SUGP2: variants seen among roughly 807,000 people sequenced by gnomAD.
SUGP2 encodes the protein SURP and G-patch domain-containing protein 2.
Under a neutral mutation model 90.5 loss-of-function variants are expected in SUGP2, and 24 were observed. The observed-to-expected ratio is 0.27, with a 90% CI of 0.19 to 0.37. The LOEUF (loss-of-function observed/expected upper bound fraction) is 0.37. Ranked by LOEUF, SUGP2 falls within the 10% of genes least tolerant of loss-of-function variation. The probability of loss-of-function intolerance (pLI) is 1.00; values close to 1 mark genes in which losing one functional copy is unlikely to be tolerated. For missense variants in SUGP2, 1,233 were observed against 1,363.3 expected (o/e 0.90, Z 1.51); for synonymous variants, 473 against 513.4 (o/e 0.92, Z 1.06).
chr19:19,019,835 T>TAA (rs113866266), intron 3 of SUGP2, among the ~76,000 whole-genome samples: 1 of 111,974 alleles, frequency 8.9e-6, no homozygotes, highest in African/African-American at 3.2e-5. Flanking sequence ...TTTCTCCAAT[T>TAA]AAAAAAAAAA....
chr19:19,015,369 T>G (rs1013195784), intron 4 of SUGP2, among the ~76,000 whole-genome samples: 3 of 152,216 alleles, frequency 2.0e-5, no homozygotes, highest in African/African-American at 7.2e-5. Flanking sequence ...TTGACTGTTT[T>G]GTTAAATACA....
At position 19,031,051 on chromosome 19, in the gene SUGP2, T is replaced by C. The variant is rs752220000; in HGVS notation, c.21A>G (p.Thr7=). The change falls in exon 2 of 11, where the codon ACA becomes ACG. Residue 7 remains threonine (T), a synonymous_variant. Transcript: ENST00000452918. Reference sequence around the variant, plus strand: ...GTAATACAGCATCAAAAGTCTCCTGTGTAATTCGTCTGGCTGCCATGTTAT... The same window carrying C: ...GTAATACAGCATCAAAAGTCTCCTGCGTAATTCGTCTGGCTGCCATGTTAT... The part of the protein sequence containing the change: MAARRI[T]QETFDAVLQE... 9.3e-5 allele frequency: 150 copies of C among 1,613,032 alleles called. No homozygotes were observed. Among genetic ancestry groups the C allele is most frequent in the Admixed American group, 1.3e-4 (8 of 59,644 alleles).
Position 19,010,294 on chromosome 19 carries a change from C to A in SUGP2, c.1899G>T (p.Lys633Asn). Residue 633 changes from lysine (K) to asparagine (N), a missense_variant, in exon 5 of 11, where the codon AAG becomes AAT. This residue lies in a region of SUGP2 where 540 missense variants were observed against 542.6 expected (regional missense o/e 1.00). Coordinates refer to ENST00000452918, the MANE Select transcript of SUGP2 (RefSeq NM_001017392.5). ...CGCTCATCCGCTGCATTTCTGCCAACTTCAGCTTGTAATATTTATACTCCA... is the reference window on the plus strand; with the variant it reads ...CGCTCATCCGCTGCATTTCTGCCAAATTCAGCTTGTAATATTTATACTCCA... ...NSLEYKYYKL[K>N]LAEMQRMSEN... 1.2e-6 allele frequency: 2 copies of A among 1,613,810 alleles called. No homozygotes were observed. The highest frequency in any genetic ancestry group is 2.2e-5 in the South Asian group (2 of 91,090).
chr19:19,018,921 C>G (rs938442029), intron 4 of SUGP2, among the ~76,000 whole-genome samples, 188 bp downstream of exon 4: 1 of 152,148 alleles, frequency 6.6e-6, no homozygotes, highest in African/African-American at 2.4e-5. Flanking sequence ...AGCTGGCCTA[C>G]CACTGGTCTG....
At position 18,991,639 on chromosome 19, in the gene SUGP2, G is replaced by A. The variant is rs2057365711; in HGVS notation, c.*2102C>T. Reference sequence around the variant, plus strand: ...AATGGTCAGGGCGATGCTGGAGAGAGTGCGCTTGATCCACGCTGCAGGTGT... The same window carrying A: ...AATGGTCAGGGCGATGCTGGAGAGAATGCGCTTGATCCACGCTGCAGGTGT... On this transcript the variant is annotated 3_prime_UTR_variant, in exon 11 of 11. Coordinates refer to ENST00000452918, the MANE Select transcript of SUGP2 (RefSeq NM_001017392.5). 6.6e-6 allele frequency: 1 copy of A among 152,288 alleles called. No individual in the cohort carries two copies. The highest frequency in any genetic ancestry group is 2.4e-5 in the African/African-American group (1 of 41,464). The allele number at this position is 152,288 out of a possible 1,614,324, so 9.4% of individuals were successfully genotyped here. A position where few individuals can be genotyped will look rare whatever the true frequency, so the allele number is the denominator to read the frequency against.
At chr19:19,029,138 C>G (rs1348542259) in intron 2 of SUGP2, among the ~76,000 whole-genome samples, 2 of 150,958 alleles carry the variant, frequency 1.3e-5, no homozygotes, top group Non-Finnish European at 3.0e-5. Context: ...GCCACCATGC[C>G]CAGATAAATT....
chr19:19,005,844 AAC>A (rs67270368), intron 6 of SUGP2, among the ~76,000 whole-genome samples: 2 of 46,404 alleles, frequency 4.3e-5, no homozygotes, highest in Non-Finnish European at 8.0e-5. Context: ...CAGGCTAACA[AAC>A]ACACACACAC....
rs1232873363 is a variant in SUGP2, at chr19:18,992,684, T to A, written c.*1057A>T. 2 of 152,160 alleles carry A rather than the reference T, an allele frequency of 1.3e-5. No individual in the cohort carries two copies. 9.4% of individuals were successfully genotyped at this position (152,160 alleles called of 1,614,324 possible). A position where few individuals can be genotyped will look rare whatever the true frequency, so the allele number is the denominator to read the frequency against. On this transcript the variant is annotated 3_prime_UTR_variant, in exon 11 of 11. Transcript: ENST00000452918. ...AGGATTTCTTTACAGCCAATACAAG[T>A]GGCATTTCCCGCTCAGTTCTGTGGC...
In SUGP2 at chr19:19,030,954, G is replaced by A; in HGVS notation, c.118C>T (p.Gln40Ter). 1 of 1,609,396 alleles carries A rather than the reference G, an allele frequency of 6.2e-7. No individual in the cohort carries two copies. The highest frequency in any genetic ancestry group is 8.5e-7 in the Non-Finnish European group (1 of 1,178,808). The change falls in exon 2 of 11, where the codon CAA (glutamine) becomes TAA (stop). Residue 40 changes from glutamine to a stop codon, truncating the protein, a stop_gained. Coordinates refer to ENST00000452918, the MANE Select transcript of SUGP2 (RefSeq NM_001017392.5). LOFTEE classifies it high-confidence loss of function. ...AVSETLQFKA[Q>*]DLLRAVPRSR... ...CAACAACAACACTTTATTTTACCTTGAGCTTTAAACTGAAGAGTTTCGCTT... is the reference window on the plus strand; with the variant it reads ...CAACAACAACACTTTATTTTACCTTAAGCTTTAAACTGAAGAGTTTCGCTT...
chr19:19,015,749 T>C (rs899617886), intron 4 of SUGP2, among the ~76,000 whole-genome samples: 3 of 151,920 alleles, frequency 2.0e-5, no homozygotes, highest in African/African-American at 4.8e-5. Flanking sequence ...AAGTCATCTG[T>C]CCCCCTCGGT....
intron 2 of SUGP2, among the ~76,000 whole-genome samples, chr19:19,030,531 C>G (rs1276909034): frequency 2.6e-5 from 4 of 152,074 alleles, no homozygotes; most frequent in Admixed American, 2.6e-4. Flanking sequence ...AACAAACAAA[C>G]AAACAAACAA....
chr19:19,032,641 C>A (rs1243587852), intron 1 of SUGP2, among the ~76,000 whole-genome samples: 1 of 152,032 alleles, frequency 6.6e-6, no homozygotes, highest in Admixed American at 6.6e-5. Context: ...ACTGAAGAGG[C>A]GGGTCCTGTT....
chr19:19,010,249 G>T lies in SUGP2; in HGVS notation c.1944C>A (p.Asp648Glu), dbSNP rs1383559679. ...QRMSENLRGA[D>E]QKPTSADCAV... Reference sequence around the variant, plus strand: ...CACAGTCTGCTGAGGTCGGCTTCTGGTCGGCTCCTCGCAAGTTCTCGCTCA... The same window carrying T: ...CACAGTCTGCTGAGGTCGGCTTCTGTTCGGCTCCTCGCAAGTTCTCGCTCA... Residue 648 changes from aspartate to glutamate, a missense_variant, in exon 5 of 11, where the codon GAC becomes GAA. Asp to Glu is a conservative substitution (Grantham distance 45). Around this residue, in one of 8 missense-constraint regions of SUGP2, gnomAD observed 540 missense variants for 542.6 expected, o/e 1.00. Transcript: ENST00000452918. The T allele has an allele frequency of 3.7e-6, 6 of 1,613,954 alleles. No homozygotes were observed. The highest frequency in any genetic ancestry group is 5.1e-6 in the Non-Finnish European group (6 of 1,180,030).
chr19:18,995,383 C>T (rs1448339813), intron 8 of SUGP2, 103 bp from the exon 9 acceptor site: 1 of 1,331,038 alleles, frequency 7.5e-7, no homozygotes, highest in Non-Finnish European at 1.0e-6. Context: ...AAATGCCCTC[C>T]TGACTCCCCA....
chr19:19,031,537 A>G (rs1041617736), intron 1 of SUGP2, among the ~76,000 whole-genome samples: 2 of 149,486 alleles, frequency 1.3e-5, no homozygotes, highest in African/African-American at 2.5e-5. Context: ...CCGTCTCAAA[A>G]AAAAAAAAAA....
rs878904436 is a variant in SUGP2 at position 19,008,545 on chromosome 19, C to G, written c.2339-117G>C. On this transcript the variant is annotated intron_variant, in intron 5 of 10. Coordinates refer to ENST00000452918, the MANE Select transcript of SUGP2 (RefSeq NM_001017392.5). ...GGCCTGCATGTCCCCTCCCTGTAGC[C>G]TTGCCCTTCGTCACATGTGGACCCT... 19 of 819,912 alleles carry G rather than the reference C, an allele frequency of 2.3e-5. No homozygotes were observed. In the East Asian group the frequency reaches 4.7e-4, roughly 20 times the overall value. The allele number at this position is 819,912 out of a possible 1,614,324, so 50.8% of individuals were successfully genotyped here.
chr19:18,995,330 A>T (rs1410605548), intron 8 of SUGP2, 50 bp from the exon 9 acceptor site: 1 of 1,547,526 alleles, frequency 6.5e-7, no homozygotes, highest in East Asian at 2.3e-5. Context: ...AGATGCCTGG[A>T]TCAAGGGTCT....
intron 1 of SUGP2, among the ~76,000 whole-genome samples, chr19:19,031,874 G>A (rs977463463): frequency 6.8e-6 from 1 of 146,444 alleles, no homozygotes; most frequent in Non-Finnish European, 1.5e-5. Context: ...AGGTTGGCCA[G>A]GCTGGTCTCG....
In SUGP2 at chr19:19,025,148, A is replaced by G; in HGVS notation, c.1200T>C (p.Asn400=). 1 of 1,612,730 alleles carries G rather than the reference A, an allele frequency of 6.2e-7. No individual in the cohort carries two copies. The highest frequency in any genetic ancestry group is 1.1e-5 in the South Asian group (1 of 90,732). ...TGTCTAAAAGCATGTTTAAAAACTC[A>G]TTATCAACTCTGGGTGTTTTCAAAG... ...HSALKTPRVD[N]EFLNMLLDKG... The change falls in exon 3 of 11, where the codon AAT becomes AAC. Residue 400 remains asparagine, a synonymous_variant. Coordinates refer to ENST00000452918, the MANE Select transcript of SUGP2 (RefSeq NM_001017392.5).
Sources: allele counts gnomAD v4.1 joint callset (sites outside exome capture counted in the v4.1 genomes callset), GRCh38; gene constraint gnomAD v4.1.1; regional missense constraint gnomAD v4.1.1; transcripts MANE v1.5; gene names NCBI Gene and HGNC (gene_info 2026-07-23, HGNC 2026-07-21).